The following CDH4 variants were observed in gnomAD, a reference collection of about 807,000 sequenced individuals.
CDH4 encodes cadherin-4.
A neutral mutation model predicts 86.0 loss-of-function variants in CDH4; 33 were observed. The ratio of observed to expected loss-of-function variants is 0.38; its 90% confidence interval spans 0.29 to 0.51. CDH4 has a LOEUF of 0.51. CDH4 is among the 20% of genes least tolerant of loss of function. The pLI, the probability that CDH4 is intolerant of heterozygous loss-of-function variation, is 0.86. For synonymous variants in CDH4, 555 were observed against 549.4 expected (o/e 1.01, Z -0.14); for missense variants, 1,114 against 1,307.4 (o/e 0.85, Z 2.28).
chr20:61,476,561 G>A (rs1453230719), intron 2 of CDH4, among the ~76,000 whole-genome samples: 1 of 152,216 alleles, frequency 6.6e-6, no homozygotes. Context: ...GAGAGTTGAA[G>A]GAAGGCCCCC....
intron 2 of CDH4, among the ~76,000 whole-genome samples, chr20:61,342,285 A>T (rs1568805641): frequency 6.6e-6 from 1 of 152,150 alleles, no homozygotes; most frequent in Non-Finnish European, 1.5e-5. Context: ...TATTTCTCTT[A>T]TTATTGCATT....
chr20:61,481,214 C>T (rs1418003121), intron 2 of CDH4, among the ~76,000 whole-genome samples: 1 of 152,164 alleles, frequency 6.6e-6, no homozygotes, highest in East Asian at 1.9e-4. Context: ...ATTGCCACAG[C>T]TGGGGCGTGG....
chr20:61,634,448 TC>T (rs2086926311), intron 2 of CDH4, among the ~76,000 whole-genome samples: 1 of 152,138 alleles, frequency 6.6e-6, no homozygotes, highest in South Asian at 2.1e-4. Flanking sequence ...GACCCTGACT[TC>T]CGCGAGTGTT....
chr20:61,714,405 G>GTTTTATTTACCTTTTCTT (rs2087929899), intron 2 of CDH4, among the ~76,000 whole-genome samples: 1 of 151,652 alleles, frequency 6.6e-6, no homozygotes, highest in African/African-American at 2.4e-5. Flanking sequence ...TTTATTTTTT[G>GTTTTATTTACCTTTTCTT]TTTTATTTAC....
intron 2 of CDH4, among the ~76,000 whole-genome samples, chr20:61,565,079 G>GCTC (rs2086256023): frequency 1.6e-5 from 2 of 124,180 alleles, no homozygotes; most frequent in Non-Finnish European, 3.4e-5. Flanking sequence ...TGGTGGTGGT[G>GCTC]GTGGTGGTGC....
chr20:61,534,483 C>T (rs373682926), intron 2 of CDH4, among the ~76,000 whole-genome samples: 1 of 152,050 alleles, frequency 6.6e-6, no homozygotes, highest in African/African-American at 2.4e-5. Context: ...GGCTCACCGC[C>T]GTGATCGGAG....
intron 2 of CDH4, among the ~76,000 whole-genome samples, chr20:61,665,867 C>T (rs6089257): frequency 0.39 from 59,211 of 151,970 alleles, 12,284 homozygotes; most frequent in Non-Finnish European, 0.45. Flanking sequence ...ATCTGCCAAG[C>T]GATATTGGCT....
At chr20:61,546,840 G>T (rs13042142) in intron 2 of CDH4, among the ~76,000 whole-genome samples, 3 of 151,944 alleles carry the variant, frequency 2.0e-5, no homozygotes, top group Non-Finnish European at 2.9e-5. Context: ...GCGGTGCCAC[G>T]GGATAATCCT....
chr20:61,899,695 G>A (rs1034474648), intron 8 of CDH4, among the ~76,000 whole-genome samples: 1 of 152,132 alleles, frequency 6.6e-6, no homozygotes, highest in African/African-American at 2.4e-5. Flanking sequence ...CCAAACTGCT[G>A]GGATTACAGG....
chr20:61,335,979 A>G lies in CDH4; in HGVS notation c.169+81042A>G, dbSNP rs115510900. Among the ~76,000 whole-genome samples the G allele has an allele frequency of 4.5e-3, 687 of 152,286 alleles. 5 individuals carry two copies. Among genetic ancestry groups the G allele is most frequent in the African/African-American group, 0.015 (617 of 41,562 alleles). On this transcript the variant is annotated intron_variant, in intron 2 of 15. Coordinates refer to ENST00000614565, the MANE Select transcript of CDH4 (RefSeq NM_001794.5). Reference sequence around the variant, plus strand: ...TGATGAAAGTAGAAACGCGGCCCACATCATGATCACCTCTTAAACAACTGG... The same window carrying G: ...TGATGAAAGTAGAAACGCGGCCCACGTCATGATCACCTCTTAAACAACTGG...
chr20:61,897,186 G>T (rs779907876), intron 8 of CDH4, among the ~76,000 whole-genome samples: 35 of 152,296 alleles, frequency 2.3e-4, no homozygotes, highest in African/African-American at 6.5e-4. Flanking sequence ...TCTCTGAGAC[G>T]TTGGGGGGCA....
At chr20:61,653,478 G>A (rs1290393910) in intron 2 of CDH4, among the ~76,000 whole-genome samples, 32 of 136,526 alleles carry the variant, frequency 2.3e-4, no homozygotes, top group Non-Finnish European at 3.9e-4. Context: ...GGTCGTGGCC[G>A]GGCAGAGGGG....
chr20:61,686,323 GAAC>G (rs760974392), intron 2 of CDH4, among the ~76,000 whole-genome samples: 38 of 152,364 alleles, frequency 2.5e-4, no homozygotes, highest in Non-Finnish European at 4.6e-4. Flanking sequence ...AGACTGGAGA[GAAC>G]AAGCCCAACT....
chr20:61,724,609 G>A (rs1244978991), intron 2 of CDH4, among the ~76,000 whole-genome samples: 2 of 152,156 alleles, frequency 1.3e-5, no homozygotes, highest in Non-Finnish European at 2.9e-5. Flanking sequence ...CCTTCGCCCC[G>A]ACCCCGGGCT....
At chr20:61,746,616 G>C (rs1378768191) in intron 3 of CDH4, among the ~76,000 whole-genome samples, 1 of 152,232 alleles carries the variant, frequency 6.6e-6, no homozygotes, top group African/African-American at 2.4e-5. Context: ...GCACGGCAAG[G>C]CTTCTGCGAC....
intron 4 of CDH4, among the ~76,000 whole-genome samples, chr20:61,842,026 C>T (rs1349222660): frequency 6.6e-6 from 1 of 152,240 alleles, no homozygotes; most frequent in Non-Finnish European, 1.5e-5. Context: ...GAAAGATGTT[C>T]TCCATCAGGC....
At chr20:61,825,480 A>G (rs189551513) in intron 4 of CDH4, among the ~76,000 whole-genome samples, 6 of 152,066 alleles carry the variant, frequency 3.9e-5, no homozygotes, top group Admixed American at 3.9e-4. Flanking sequence ...CACCAAGCTC[A>G]CTCCTAAGAA....
chr20:61,475,458 C>G (rs6121590), intron 2 of CDH4, among the ~76,000 whole-genome samples: 23 of 72,144 alleles, frequency 3.2e-4, no homozygotes, highest in Admixed American at 2.0e-3. Context: ...TACCTCCCCC[C>G]CTCTCTCTCC....
intron 2 of CDH4, among the ~76,000 whole-genome samples, chr20:61,426,977 G>A (rs1402474162): frequency 6.6e-6 from 1 of 152,224 alleles, no homozygotes; most frequent in Non-Finnish European, 1.5e-5. Flanking sequence ...GGCAAGTGAT[G>A]TTTCTCTTTA....
Sources: allele counts gnomAD v4.1 joint callset (sites outside exome capture counted in the v4.1 genomes callset), GRCh38; gene constraint gnomAD v4.1.1; transcripts MANE v1.5; gene names NCBI Gene and HGNC (gene_info 2026-07-23, HGNC 2026-07-21).